Variants in OVCH1 observed in about 807,000 individuals in gnomAD.
OVCH1 encodes ovochymase 1.
Under a neutral mutation model 138.4 loss-of-function variants are expected in OVCH1, and 139 were observed. The ratio of observed to expected loss-of-function variants is 1.00; its 90% CI spans 0.87 to 1.16. The LOEUF is 1.16. Ranked by LOEUF, OVCH1 falls within the 50% of genes most tolerant of loss-of-function variation. The probability of loss-of-function intolerance (pLI) is 0.00; values close to 1 mark genes in which losing one functional copy is unlikely to be tolerated. For missense variants in OVCH1, 1,367 were observed against 1,357.9 expected, an observed-to-expected ratio of 1.01 and a Z score of -0.11; for synonymous variants, 453 against 467.8, an observed-to-expected ratio of 0.97 and a Z score of 0.41.
At chr12:29,486,458 A>C (rs1371987330) in intron 7 of OVCH1, 110 bp from the exon 8 acceptor site, 12 of 847,472 alleles carry the variant, frequency 1.4e-5, no homozygotes, top group South Asian at 1.9e-5. Flanking sequence ...TTCTACTAAA[A>C]TCAATGCAGA....
chr12:29,496,605 G>C (rs373419953), exon 2 of OVCH1: 119 of 1,613,760 alleles, frequency 7.4e-5, no homozygotes, highest in Non-Finnish European at 9.9e-5. Context: ...ACTAATTCTA[G>C]AGAAGAATCT....
At chr12:29,431,655 CAT>C (rs1941271091) in intron 27 of OVCH1, among the ~76,000 whole-genome samples, 1 of 152,082 alleles carries the variant, frequency 6.6e-6, no homozygotes, top group Non-Finnish European at 1.5e-5. Flanking sequence ...TTCACATAGA[CAT>C]ATCATAATTT....
rs898507814 is a variant in OVCH1, at chr12:29,471,950, A to C, written c.1708T>G (p.Trp570Gly). 3 of 1,613,026 alleles carry C rather than the reference A, an allele frequency of 1.9e-6. No individual in the cohort carries two copies. The African/African-American group carries it at 4.0e-5, about 22-fold the overall frequency. ...CCTCCTGCGATTCTTCTGGAAAGCC[A>C]CTGGGGACTAAATGGAGGGATGCCA... is the stretch of plus-strand genomic sequence containing the variant. Residue 570 changes from tryptophan to glycine, a missense_variant, in exon 16 of 28, where the codon TGG (tryptophan) becomes GGG (glycine). Coordinates refer to ENST00000318184, the Ensembl canonical transcript of OVCH1.
chr12:29,487,592 C>A, intron 7 of OVCH1, 101 bp downstream of exon 7: 1 of 1,159,330 alleles, frequency 8.6e-7, no homozygotes, highest in East Asian at 2.6e-5. Context: ...AAACCAGCCT[C>A]ATTCTTGCTT....
At chr12:29,451,292 G>T in intron 22 of OVCH1, 53 bp downstream of exon 22, 1 of 1,421,322 alleles carries the variant, frequency 7.0e-7, no homozygotes, top group African/African-American at 1.4e-5. Flanking sequence ...ATCATAAGCT[G>T]CCTACATGGA....
At chr12:29,451,378 A>C in exon 22 of OVCH1, 4 of 1,613,016 alleles carry the variant, frequency 2.5e-6, no homozygotes, top group Non-Finnish European at 3.4e-6. Flanking sequence ...CTTTCTTCAT[A>C]AATAATTAGA....
chr12:29,472,826 T>C (rs1484151092), intron 15 of OVCH1, among the ~76,000 whole-genome samples: 3 of 152,212 alleles, frequency 2.0e-5, no homozygotes, highest in Non-Finnish European at 2.9e-5. Context: ...CTTCCTAACC[T>C]AAAGCTCATT....
At chr12:29,442,183 T>G (rs1008049040) in intron 25 of OVCH1, among the ~76,000 whole-genome samples, 2 of 151,968 alleles carry the variant, frequency 1.3e-5, no homozygotes, top group African/African-American at 4.8e-5. Context: ...GTATGTTTAT[T>G]GCGGCACTAT....
intron 3 of OVCH1, among the ~76,000 whole-genome samples, chr12:29,415,964 AG>A (rs946502196): frequency 5.3e-5 from 8 of 152,138 alleles, no homozygotes; most frequent in Non-Finnish European, 1.0e-4. Context: ...ACAAAAAAAA[AG>A]ATCCCAGAAA....
At chr12:29,491,175 T>C in exon 5 of OVCH1, 1 of 1,613,632 alleles carries the variant, frequency 6.2e-7, no homozygotes, top group Non-Finnish European at 8.5e-7. Flanking sequence ...GGAAGACAGA[T>C]TGGCTGAACA....
downstream of OVCH1, among the ~76,000 whole-genome samples, chr12:29,411,227 T>G (rs1457969695): frequency 7.8e-6 from 1 of 128,502 alleles, no homozygotes. Flanking sequence ...TTCAAAGTTT[T>G]TAACTTCTTT....
exon 28 of OVCH1, chr12:29,427,589 G>A: frequency 1.9e-6 from 3 of 1,551,474 alleles, no homozygotes; most frequent in Non-Finnish European, 2.6e-6. Context: ...CAGAAAGTGA[G>A]CCCTTAGCAG....
chr12:29,472,801 G>A (rs994655897), intron 15 of OVCH1, among the ~76,000 whole-genome samples: 3 of 152,106 alleles, frequency 2.0e-5, no homozygotes, highest in African/African-American at 7.2e-5. Context: ...ACAAAACATT[G>A]CTTTATACCC....
chr12:29,489,691 T>A, exon 6 of OVCH1: 1 of 1,610,414 alleles, frequency 6.2e-7, no homozygotes, highest in Admixed American at 1.7e-5. Context: ...GGGAGGTTCA[T>A]GCTCTTGAGC....
intron 26 of OVCH1, among the ~76,000 whole-genome samples, chr12:29,438,465 AG>A (rs577271578): frequency 0.28 from 1,147 of 4,068 alleles, 9 homozygotes; most frequent in Non-Finnish European, 0.41. Context: ...TCATCCCTCC[AG>A]AAAAAAAAAA....
intron 26 of OVCH1, among the ~76,000 whole-genome samples, chr12:29,439,072 A>G (rs1292408918): frequency 6.6e-6 from 1 of 152,164 alleles, no homozygotes; most frequent in Admixed American, 6.5e-5. Flanking sequence ...ATTAGAGACA[A>G]ATCTCGACTC....
At chr12:29,466,480 G>A (rs1012277769) in intron 16 of OVCH1, among the ~76,000 whole-genome samples, 6 of 147,114 alleles carry the variant, frequency 4.1e-5, no homozygotes, top group African/African-American at 8.1e-5. Flanking sequence ...ATCTCAGATC[G>A]TCATCTTTTG....
At chr12:29,472,104 T>C in intron 15 of OVCH1, 122 bp from the exon 16 acceptor site, 1 of 1,087,540 alleles carries the variant, frequency 9.2e-7, no homozygotes, top group Non-Finnish European at 1.3e-6. Context: ...ATAATAATAT[T>C]GACTCCCAAA....
chr12:29,473,159 C>T (rs552159416), intron 14 of OVCH1, 56 bp from the exon 15 acceptor site: 1 of 1,252,786 alleles, frequency 8.0e-7, no homozygotes, highest in African/African-American at 1.5e-5. Flanking sequence ...ACTAACTGAC[C>T]CCACTTGCTT....
Sources: gnomAD v4.1 joint callset for allele counts (sites outside exome capture counted in the v4.1 genomes callset) on GRCh38, gnomAD v4.1.1 for gene constraint, MANE v1.5 for transcripts, NCBI Gene and HGNC (gene_info 2026-07-23, HGNC 2026-07-21) for gene names.